The following SRGAP2 variants were observed in gnomAD, a reference collection of about 807,000 sequenced individuals.
The protein encoded by SRGAP2 is SLIT-ROBO Rho GTPase activating protein 2, also known as SLIT-ROBO Rho GTPase-activating protein 2.
A neutral mutation model predicts 57.2 loss-of-function variants in SRGAP2; 15 were observed. The observed-to-expected ratio is 0.26, with a 90% CI of 0.18 to 0.40. The LOEUF is 0.40. SRGAP2 is among the 10% of genes least tolerant of loss of function. The pLI, the probability that SRGAP2 is intolerant of heterozygous loss-of-function variation, is 1.00. For synonymous variants in SRGAP2, 249 were observed against 248.0 expected (o/e 1.00, Z -0.04); for missense variants, 520 against 669.6 (o/e 0.78, Z 2.47).
At chr1:206,269,176 T>G (rs1439550211) in intron 2 of SRGAP2, among the ~76,000 whole-genome samples, 1 of 147,268 alleles carries the variant, frequency 6.8e-6, no homozygotes, top group Non-Finnish European at 1.5e-5. Flanking sequence ...CAAAACAACT[T>G]GGATGAATCT....
chr1:206,291,897 TA>T (rs1337779846), intron 2 of SRGAP2, among the ~76,000 whole-genome samples: 1 of 149,284 alleles, frequency 6.7e-6, no homozygotes, highest in Non-Finnish European at 1.5e-5. Context: ...TTCATTGGAA[TA>T]AGTTTTGTCA....
intron 2 of SRGAP2, among the ~76,000 whole-genome samples, chr1:206,239,116 G>A (rs1200921154): frequency 1.3e-5 from 2 of 149,978 alleles, no homozygotes; most frequent in Non-Finnish European, 3.0e-5. Flanking sequence ...TACTACAAAT[G>A]CAATCTTTAC....
At chr1:206,373,025 C>A (rs1184870419) in intron 4 of SRGAP2, among the ~76,000 whole-genome samples, 1 of 100,960 alleles carries the variant, frequency 9.9e-6, no homozygotes, top group East Asian at 2.9e-4. Context: ...TTCTTTCTTT[C>A]TTTTCTTTCT....
intron 2 of SRGAP2, among the ~76,000 whole-genome samples, chr1:206,287,047 C>T (rs1671068603): frequency 2.0e-5 from 3 of 152,082 alleles, no homozygotes; most frequent in Non-Finnish European, 4.4e-5. Context: ...TTGCACTGTT[C>T]AAAAGGTGGA....
chr1:206,455,139 C>G (rs72752969), intron 21 of SRGAP2, 115 bp downstream of exon 21: 34,776 of 760,772 alleles, frequency 0.046, 1,180 homozygotes, highest in Non-Finnish European at 0.07. Context: ...CCAGCTCCCC[C>G]AGCCTAACAG....
At chr1:206,254,776 C>G (rs1222068326) in intron 2 of SRGAP2, among the ~76,000 whole-genome samples, 2 of 151,408 alleles carry the variant, frequency 1.3e-5, no homozygotes, top group Non-Finnish European at 2.9e-5. Flanking sequence ...GCGATTACAG[C>G]CTGCACCCCT....
chr1:206,459,097 A>G (rs1553379655), intron 22 of SRGAP2, 150 bp downstream of exon 22: 1 of 595,472 alleles, frequency 1.7e-6, no homozygotes, highest in Non-Finnish European at 3.0e-6. Flanking sequence ...TGTGGACCCA[A>G]TAAGACAGCT....
chr1:206,237,147 A>G (rs1157278642), intron 2 of SRGAP2, among the ~76,000 whole-genome samples: 1 of 151,632 alleles, frequency 6.6e-6, no homozygotes, highest in African/African-American at 2.4e-5. Context: ...CCGTAATCCC[A>G]GCTACTCGGG....
In SRGAP2 at chr1:206,417,790, C is replaced by T. The variant is rs115369665; in HGVS notation, c.1442-1583C>T. 6.8e-3 allele frequency among the ~76,000 whole-genome samples: 1,036 copies of T among 151,844 alleles called. 8 individuals carry two copies. Among genetic ancestry groups the T allele is most frequent in the African/African-American group, 0.023 (963 of 41,388 alleles). Reference sequence around the variant, plus strand: ...GGTTAGATAATTTCTATTCTTCTTCCTCACCACCGAAAGGACTCAGACTAA... The same window carrying T: ...GGTTAGATAATTTCTATTCTTCTTCTTCACCACCGAAAGGACTCAGACTAA... On this transcript the variant is annotated intron_variant, in intron 11 of 22. Transcript: ENST00000573034.
chr1:206,363,089 A>C (rs1677027898), intron 4 of SRGAP2, among the ~76,000 whole-genome samples: 1 of 151,802 alleles, frequency 6.6e-6, no homozygotes, highest in Admixed American at 6.6e-5. Flanking sequence ...TCTGGGAGAT[A>C]AAACCATTTA....
intron 5 of SRGAP2, among the ~76,000 whole-genome samples, chr1:206,388,263 T>C (rs1553349119): frequency 6.6e-6 from 1 of 152,208 alleles, no homozygotes; most frequent in African/African-American, 2.4e-5. Context: ...GAGCAGCGGC[T>C]GTGTGCTGGC....
At chr1:206,303,131 T>A in intron 2 of SRGAP2, 150 bp from the exon 3 acceptor site, 2 of 452,914 alleles carry the variant, frequency 4.4e-6, no homozygotes, top group East Asian at 6.5e-5. Flanking sequence ...TCACATCCTA[T>A]GGCCAGTTTA....
chr1:206,214,999 T>C (rs1666560645), intron 2 of SRGAP2, among the ~76,000 whole-genome samples: 1 of 149,196 alleles, frequency 6.7e-6, no homozygotes, highest in Non-Finnish European at 1.5e-5. Context: ...TTCTTTTTTC[T>C]TCTACCAGAC....
At chr1:206,388,506 A>C (rs1329236349) in intron 5 of SRGAP2, among the ~76,000 whole-genome samples, 1 of 151,116 alleles carries the variant, frequency 6.6e-6, no homozygotes, top group Non-Finnish European at 1.5e-5. Context: ...CACAGAGGAC[A>C]GGGATGAAGT....
chr1:206,278,885 A>G (rs1484397638), intron 2 of SRGAP2, among the ~76,000 whole-genome samples: 4 of 149,514 alleles, frequency 2.7e-5, no homozygotes, highest in African/African-American at 1.0e-4. Flanking sequence ...TGGCTGAAGC[A>G]GAGTGCTCTG....
At chr1:206,448,525 A>G (rs1662963032) in intron 18 of SRGAP2, among the ~76,000 whole-genome samples, 1 of 152,206 alleles carries the variant, frequency 6.6e-6, no homozygotes, top group Admixed American at 6.5e-5. Flanking sequence ...GTGGTTTTCA[A>G]AGTGAGGTCC....
chr1:206,364,081 A>C (rs1677102585), intron 4 of SRGAP2, among the ~76,000 whole-genome samples: 1 of 147,664 alleles, frequency 6.8e-6, no homozygotes, highest in South Asian at 2.2e-4. Context: ...ACAGGGAAAA[A>C]GTTACTACAG....
At chr1:206,432,262 G>T (rs1464889625) in intron 14 of SRGAP2, among the ~76,000 whole-genome samples, 1 of 152,170 alleles carries the variant, frequency 6.6e-6, no homozygotes, top group Non-Finnish European at 1.5e-5. Context: ...GCCACAGTGC[G>T]TGAGTGCTTC....
At chr1:206,420,500 T>C (rs190674920) in intron 12 of SRGAP2, among the ~76,000 whole-genome samples, 3 of 152,324 alleles carry the variant, frequency 2.0e-5, no homozygotes, top group East Asian at 3.9e-4. Context: ...CTCTGAACTC[T>C]GGTTTCCTCT....
Sources: gnomAD v4.1 joint callset for allele counts (sites outside exome capture counted in the v4.1 genomes callset) on GRCh38, gnomAD v4.1.1 for gene constraint, MANE v1.5 for transcripts, NCBI Gene and HGNC (gene_info 2026-07-23, HGNC 2026-07-21) for gene names.